Variants in CMTM4 observed in about 807,000 individuals in gnomAD.
The protein encoded by CMTM4 is CKLF like MARVEL transmembrane domain containing 4.
CMTM4 carries 8 observed loss-of-function variants against 19.0 expected under a neutral mutation model. That is an observed-to-expected ratio of 0.42 (90% CI 0.25 to 0.76). CMTM4 has a LOEUF of 0.76. Ranked by LOEUF, CMTM4 falls within the 30% of genes least tolerant of loss-of-function variation. CMTM4 has a pLI of 0.27. For synonymous variants in CMTM4, 106 were observed against 121.1 expected (o/e 0.88, Z 0.82); for missense variants, 228 against 290.2 (o/e 0.79, Z 1.56).
At chr16:66,662,479 C>T (rs1175531138) in intron 1 of CMTM4, among the ~76,000 whole-genome samples, 1 of 152,202 alleles carries the variant, frequency 6.6e-6, no homozygotes, top group East Asian at 1.9e-4. Flanking sequence ...ACATTGAACA[C>T]AATCCTGGGT....
chr16:66,620,744 G>T lies in CMTM4; in HGVS notation c.*1314C>A. 1 of 985,716 alleles carries T rather than the reference G, an allele frequency of 1.0e-6. No individual in the cohort carries two copies. The highest frequency in any genetic ancestry group is 1.2e-6 in the Non-Finnish European group (1 of 829,906). The allele number at this position is 985,716 out of a possible 1,614,324, so 61.1% of individuals were successfully genotyped here. A position where few individuals can be genotyped will look rare whatever the true frequency, so the allele number is the denominator to read the frequency against. ...CACAAAATGTTAGAGCTAAAGTGAGGTTTGTAAACATTAAAAACAGTTCAA... is the reference window on the plus strand; with the variant it reads ...CACAAAATGTTAGAGCTAAAGTGAGTTTTGTAAACATTAAAAACAGTTCAA... On this transcript the variant is annotated 3_prime_UTR_variant, in exon 4 of 4. Transcript: ENST00000394106.
At chr16:66,661,410 C>T (rs947486514) in intron 1 of CMTM4, among the ~76,000 whole-genome samples, 3 of 152,132 alleles carry the variant, frequency 2.0e-5, no homozygotes, top group East Asian at 1.9e-4. Context: ...TGAGGCTAAA[C>T]GCTTGTCAGT....
At chr16:66,600,921 G>C in the CMTM4 span, among the ~76,000 whole-genome samples, 18 of 152,190 alleles carry the variant, frequency 1.2e-4, no homozygotes, top group Non-Finnish European at 2.1e-4. Flanking sequence ...AGCATTCTGG[G>C]TAGAGGGGTC....
intron 1 of CMTM4, among the ~76,000 whole-genome samples, chr16:66,672,549 T>A (rs2016728902): frequency 6.6e-6 from 1 of 151,708 alleles, no homozygotes; most frequent in East Asian, 1.9e-4. Flanking sequence ...TAGTAACATA[T>A]CTCAGAAAAT....
the CMTM4 span, chr16:66,608,559 A>AGAGAAAG: frequency 7.9e-7 from 1 of 1,267,362 alleles, no homozygotes; most frequent in Non-Finnish European, 1.1e-6. The surrounding 1 kb of genome is among the most constrained non-coding windows in gnomAD (Gnocchi z 5.1). Context: ...TCCTTTCTCT[A>AGAGAAAG]GTGTGCTGGA....
intron 2 of CMTM4, among the ~76,000 whole-genome samples, chr16:66,628,489 G>A (rs1427752890): frequency 6.6e-6 from 1 of 152,170 alleles, no homozygotes; most frequent in Admixed American, 6.5e-5. Context: ...CTTTTACCAA[G>A]CATACTGCTT....
intron 1 of CMTM4, among the ~76,000 whole-genome samples, chr16:66,637,703 G>C (rs2016023869): frequency 6.6e-6 from 1 of 152,186 alleles, no homozygotes. Context: ...CAAAGGCGGA[G>C]TTAATGGCCC....
At chr16:66,656,937 C>T (rs927313636) in intron 1 of CMTM4, among the ~76,000 whole-genome samples, 3 of 152,124 alleles carry the variant, frequency 2.0e-5, no homozygotes, top group Admixed American at 2.0e-4. Context: ...AGAACTATCC[C>T]AGACTCAAGG....
At chr16:66,630,530 G>C (rs1317493394) in intron 2 of CMTM4, among the ~76,000 whole-genome samples, 2 of 152,092 alleles carry the variant, frequency 1.3e-5, no homozygotes, top group East Asian at 3.9e-4. Context: ...GGTGGAGACG[G>C]GGTTTTGCTG....
chr16:66,658,526 G>C (rs1162515104), intron 1 of CMTM4, among the ~76,000 whole-genome samples: 6 of 152,104 alleles, frequency 3.9e-5, no homozygotes, highest in Non-Finnish European at 8.8e-5. Flanking sequence ...TGTGGCCCTT[G>C]ATCTATGCCA....
At chr16:66,633,118 A>ATATATATATATATATATATATATAAATAT (rs2015913157) in intron 2 of CMTM4, among the ~76,000 whole-genome samples, 1 of 76,198 alleles carries the variant, frequency 1.3e-5, no homozygotes, top group Admixed American at 1.4e-4. Context: ...TATATATATA[A>ATATATATATATATATATATATATAAATAT]ATATATATAT....
chr16:66,618,487 G>T lies in CMTM4; in HGVS notation c.*3571C>A. On this transcript the variant is annotated 3_prime_UTR_variant, in exon 4 of 4. Coordinates refer to ENST00000394106, the MANE Select transcript of CMTM4 (RefSeq NM_181521.3). ...CCACAGAAAATCTGGCACAGAAAGGGATTAGACCTCAGTCCACCTCTCAGA... is the reference window on the plus strand; with the variant it reads ...CCACAGAAAATCTGGCACAGAAAGGTATTAGACCTCAGTCCACCTCTCAGA... 3 of 985,478 alleles carry T rather than the reference G, an allele frequency of 3.0e-6. No individual in the cohort carries two copies. The highest frequency in any genetic ancestry group is 3.6e-6 in the Non-Finnish European group (3 of 829,960). The allele number at this position is 985,478 out of a possible 1,614,324, so 61.0% of individuals were successfully genotyped here.
In CMTM4 at chr16:66,621,991, C is replaced by T; in HGVS notation, c.*67G>A. On this transcript the variant is annotated 3_prime_UTR_variant, in exon 4 of 4. Coordinates refer to ENST00000394106, the MANE Select transcript of CMTM4 (RefSeq NM_181521.3). ...TGAATCACATGGAAATCTGACAGGACAAGGGAAAGAAAACTTGACTGAGAG... is the reference window on the plus strand; with the variant it reads ...TGAATCACATGGAAATCTGACAGGATAAGGGAAAGAAAACTTGACTGAGAG... 6.6e-7 allele frequency: 1 copy of T among 1,514,528 alleles called. No homozygotes were observed. The allele number at this position is 1,514,528 out of a possible 1,614,324, so 93.8% of individuals were successfully genotyped here.
chr16:66,643,241 T>C (rs892542765), intron 1 of CMTM4, among the ~76,000 whole-genome samples: 1 of 152,198 alleles, frequency 6.6e-6, no homozygotes, highest in Non-Finnish European at 1.5e-5. Context: ...TTTTTGGCAT[T>C]CAGCTAACTG....
downstream of CMTM4, chr16:66,612,999 C>T (rs1056381446): frequency 2.9e-5 from 20 of 700,466 alleles, no homozygotes; most frequent in Non-Finnish European, 4.4e-5. This position sits in a 1 kb window ranked among gnomAD's most constrained non-coding sequence, Gnocchi z 6.0. Flanking sequence ...TGGCGGGGGT[C>T]GGGGGTCTTC....
intron 1 of CMTM4, among the ~76,000 whole-genome samples, chr16:66,656,502 C>T (rs2016399711): frequency 6.6e-6 from 1 of 151,950 alleles, no homozygotes; most frequent in Non-Finnish European, 1.5e-5. Flanking sequence ...TAGCTGGGAC[C>T]ACAGGCATGC....
At chr16:66,675,100 AGAC>A (rs2016785800) in intron 1 of CMTM4, among the ~76,000 whole-genome samples, 1 of 143,508 alleles carries the variant, frequency 7.0e-6, no homozygotes, top group Non-Finnish European at 1.5e-5. Context: ...TTTTTTTTTG[AGAC>A]AGAGTCTCAC....
intron 1 of CMTM4, among the ~76,000 whole-genome samples, chr16:66,666,968 T>C (rs2016605710): frequency 6.6e-6 from 1 of 152,216 alleles, no homozygotes. Flanking sequence ...TCAGGTACTA[T>C]GTTCACTACC....
Position 66,621,731 on chromosome 16 carries a change from C to A in CMTM4, c.*327G>T. On this transcript the variant is annotated 3_prime_UTR_variant, in exon 4 of 4. Coordinates refer to ENST00000394106, the MANE Select transcript of CMTM4 (RefSeq NM_181521.3). ...CATATTTCCCCCCTCTTAGCAGCCCCATTTAATCCAAAGTCTTGTTACAAA... is the reference window on the plus strand; with the variant it reads ...CATATTTCCCCCCTCTTAGCAGCCCAATTTAATCCAAAGTCTTGTTACAAA... The A allele has an allele frequency of 8.9e-7, 1 of 1,128,284 alleles. No homozygotes were observed. Among genetic ancestry groups the A allele is most frequent in the Non-Finnish European group, 1.1e-6 (1 of 915,206 alleles). 69.9% of individuals were successfully genotyped at this position (1,128,284 alleles called of 1,614,324 possible). A position where few individuals can be genotyped will look rare whatever the true frequency, so the allele number is the denominator to read the frequency against.
Sources: allele counts gnomAD v4.1 joint callset (sites outside exome capture counted in the v4.1 genomes callset), GRCh38; gene constraint gnomAD v4.1.1; non-coding constraint Gnocchi (gnomAD v3.1); transcripts MANE v1.5; gene names NCBI Gene and HGNC (gene_info 2026-07-23, HGNC 2026-07-21).